The following GLP2R variants were observed in gnomAD, a reference collection of about 807,000 sequenced individuals.
The protein encoded by GLP2R is glucagon like peptide 2 receptor.
In GLP2R, 59 loss-of-function variants were observed where a neutral mutation model predicts 68.2. The observed-to-expected ratio is 0.87, with a 90% confidence interval of 0.70 to 1.07. The LOEUF (loss-of-function observed/expected upper bound fraction) is 1.07, where lower values mean the gene tolerates loss of function less well. Among genes scored for constraint, GLP2R ranks in the 50% least tolerant of loss-of-function variants. GLP2R has a pLI of 0.00. For missense variants in GLP2R, 548 were observed against 677.4 expected, an observed-to-expected ratio of 0.81 and a Z score of 2.12; for synonymous variants, 270 against 265.4, an observed-to-expected ratio of 1.02 and a Z score of -0.17.
At chr17:9,836,530 T>C in intron 3 of GLP2R, 55 bp downstream of exon 3, 1 of 975,416 alleles carries the variant, frequency 1.0e-6, no homozygotes. Flanking sequence ...TCTGAAGTCC[T>C]CTTCCCCCAC....
At chr17:9,851,667 C>T (rs920725803) in intron 4 of GLP2R, among the ~76,000 whole-genome samples, 5 of 151,124 alleles carry the variant, frequency 3.3e-5, no homozygotes, top group African/African-American at 1.2e-4. Context: ...GCCTCCAGAC[C>T]ACCACTGCAA....
rs35526930 is a variant in GLP2R, at chr17:9,881,378, CTT to C, written c.1284+881_1284+882del. Among the ~76,000 whole-genome samples the C allele has an allele frequency of 3.5e-3, 330 of 95,648 alleles. 26 individuals are homozygous for C. Among genetic ancestry groups the C allele is most frequent in the African/African-American group, 0.015 (300 of 20,128 alleles). The allele number at this position is 95,648 out of a possible 152,430, so 62.7% of individuals were successfully genotyped here. Reference sequence around the variant, plus strand: ...AGTATAAAAGCAGGAGCTGTCAGGCCTTTTTTTTTTTTTTTTTTTTGAGACGG... The same window carrying C: ...AGTATAAAAGCAGGAGCTGTCAGGCCTTTTTTTTTTTTTTTTTTGAGACGG... On this transcript the variant is annotated intron_variant, in intron 11 of 12. Transcript: ENST00000262441.
In GLP2R at chr17:9,842,495, A is replaced by G. The variant is rs764330702; in HGVS notation, c.383A>G (p.Glu128Gly). Reference sequence around the variant, plus strand: ...CCTCCAGAGCTTTGTTTACTTTCAGAGAGCTCAGGAAGGGCCTACAGACAC... The same window carrying G: ...CCTCCAGAGCTTTGTTTACTTTCAGGGAGCTCAGGAAGGGCCTACAGACAC... ...CPSYLPWWSE[E>G]SSGRAYRHCL... Residue 128 changes from glutamate (E) to glycine (G), a missense_variant and splice_region_variant, in exon 4 of 13, where the codon GAG (glutamate) becomes GGG (glycine). Coordinates refer to ENST00000262441, the MANE Select transcript of GLP2R (RefSeq NM_004246.3). The G allele has an allele frequency of 1.3e-5, 21 of 1,614,062 alleles. 1 individual carries two copies. The East Asian group carries it at 4.7e-4, about 36-fold the overall frequency.
chr17:9,838,845 G>A (rs1158325165), intron 3 of GLP2R, among the ~76,000 whole-genome samples: 1 of 152,242 alleles, frequency 6.6e-6, no homozygotes, highest in Non-Finnish European at 1.5e-5. Context: ...AGATGGGAGA[G>A]AGGAAGGAGC....
At chr17:9,883,870 T>A in intron 11 of GLP2R, among the ~76,000 whole-genome samples, 1 of 152,228 alleles carries the variant, frequency 6.6e-6, no homozygotes, top group East Asian at 1.9e-4. Flanking sequence ...ATGTCCTTCA[T>A]GCTGGAAGAA....
chr17:9,889,283 A>G (rs1233765995), intron 12 of GLP2R, 87 bp from the exon 13 acceptor site: 2 of 845,268 alleles, frequency 2.4e-6, no homozygotes, highest in African/African-American at 3.3e-5. Context: ...AGGGTGGCAC[A>G]GAGTAGCTAC....
Position 9,891,191 on chromosome 17 carries a change from C to A in GLP2R, c.*1486C>A, listed in dbSNP as rs532088603. 3.9e-5 allele frequency: 6 copies of A among 152,198 alleles called. No individual in the cohort carries two copies. Among genetic ancestry groups the A allele is most frequent in the African/African-American group, 1.4e-4 (6 of 41,526 alleles). 9.4% of individuals were successfully genotyped at this position (152,198 alleles called of 1,614,324 possible). A position where few individuals can be genotyped will look rare whatever the true frequency, so the allele number is the denominator to read the frequency against. ...AAATAGTCTTCTTGTATAAGTATATCCCATGGGCATATTTAATCTGAGATT... is the reference window on the plus strand; with the variant it reads ...AAATAGTCTTCTTGTATAAGTATATACCATGGGCATATTTAATCTGAGATT... On this transcript the variant is annotated 3_prime_UTR_variant, in exon 13 of 13. Transcript: ENST00000262441.
At chr17:9,845,268 G>T (rs1299903030) in intron 4 of GLP2R, among the ~76,000 whole-genome samples, 1 of 152,158 alleles carries the variant, frequency 6.6e-6, no homozygotes, top group Non-Finnish European at 1.5e-5. Flanking sequence ...AGGCTGAATT[G>T]TGGCTTTATT....
At chr17:9,838,929 C>A (rs576548737) in intron 3 of GLP2R, among the ~76,000 whole-genome samples, 2 of 152,288 alleles carry the variant, frequency 1.3e-5, no homozygotes, top group East Asian at 3.9e-4. Flanking sequence ...AGGAGAATGG[C>A]GTGAACCCGG....
chr17:9,849,855 C>T (rs2066876216), intron 4 of GLP2R, among the ~76,000 whole-genome samples: 1 of 152,056 alleles, frequency 6.6e-6, no homozygotes, highest in Non-Finnish European at 1.5e-5. Context: ...CCTCGTGATC[C>T]ACCCACCTCG....
intron 4 of GLP2R, among the ~76,000 whole-genome samples, chr17:9,848,909 A>G (rs1170631293): frequency 6.7e-6 from 1 of 149,910 alleles, no homozygotes; most frequent in East Asian, 1.9e-4. Flanking sequence ...TCACATAAGC[A>G]TTAACAAGTG....
intron 4 of GLP2R, 47 bp from the exon 5 acceptor site, chr17:9,854,448 A>G: frequency 1.7e-6 from 2 of 1,158,736 alleles, no homozygotes; most frequent in African/African-American, 1.5e-5. Flanking sequence ...GGTTGTGGCC[A>G]TAGCCCCATG....
At chr17:9,865,900 A>G (rs1013882551) in intron 9 of GLP2R, 7 of 471,100 alleles carry the variant, frequency 1.5e-5, no homozygotes, top group African/African-American at 1.0e-4. Flanking sequence ...CAAGGAAGAC[A>G]TTTAACCATG....
intron 12 of GLP2R, 82 bp downstream of exon 12, chr17:9,888,055 G>A: frequency 1.0e-6 from 1 of 965,164 alleles, no homozygotes; most frequent in Non-Finnish European, 1.7e-6. Context: ...TCTGTGGATG[G>A]GATGATGCTA....
chr17:9,848,852 C>A (rs1419134549), intron 4 of GLP2R, among the ~76,000 whole-genome samples: 1 of 138,012 alleles, frequency 7.2e-6, no homozygotes, highest in Non-Finnish European at 1.5e-5. Context: ...TGTTAAATGG[C>A]ACTTTTAAAG....
At chr17:9,842,935 C>T (rs950420294) in intron 4 of GLP2R, among the ~76,000 whole-genome samples, 3 of 152,226 alleles carry the variant, frequency 2.0e-5, no homozygotes, top group Admixed American at 1.3e-4. Flanking sequence ...ATCCAGGGTT[C>T]AGTCCAAATA....
At position 9,826,051 on chromosome 17, in the gene GLP2R, G is replaced by A. The variant is rs752139745; in HGVS notation, c.-13G>A. 3.1e-6 allele frequency: 5 copies of A among 1,606,778 alleles called. No homozygotes were observed. Among genetic ancestry groups the A allele is most frequent in the Non-Finnish European group, 4.2e-6 (5 of 1,177,508 alleles). The stretch of plus-strand genomic sequence containing the variant: ...GAGAGATGTACCCCTACTTGTGAAG[G>A]TGCACGAGGAAGATGAAGCTGGGAT... On this transcript the variant is annotated 5_prime_UTR_variant, in exon 1 of 13. In the 5' UTR this introduces an upstream ATG that the reference lacks. Coordinates refer to ENST00000262441, the MANE Select transcript of GLP2R (RefSeq NM_004246.3).
At chr17:9,883,242 T>C (rs574076672) in intron 11 of GLP2R, among the ~76,000 whole-genome samples, 1 of 152,254 alleles carries the variant, frequency 6.6e-6, no homozygotes, top group South Asian at 2.1e-4. Flanking sequence ...TAGGAAAGCT[T>C]AGATTTAAGA....
At chr17:9,830,292 C>T (rs1335585323) in intron 1 of GLP2R, among the ~76,000 whole-genome samples, 1 of 152,148 alleles carries the variant, frequency 6.6e-6, no homozygotes, top group African/African-American at 2.4e-5. Flanking sequence ...CGGAGAGGTC[C>T]CTGGGGTCAT....
Sources: gnomAD v4.1 joint callset for allele counts (sites outside exome capture counted in the v4.1 genomes callset) on GRCh38, gnomAD v4.1.1 for gene constraint, MANE v1.5 for transcripts, NCBI Gene and HGNC (gene_info 2026-07-23, HGNC 2026-07-21) for gene names.